Variants in NAV2 observed in about 807,000 individuals in gnomAD.
NAV2 encodes neuron navigator 2, also known as helicase, APC down-regulated 1.
NAV2 carries 54 observed loss-of-function variants against 223.2 expected under a neutral mutation model. The observed-to-expected ratio is 0.24, with a 90% CI of 0.19 to 0.30. NAV2 has a LOEUF of 0.30. Ranked by LOEUF, NAV2 falls within the 10% of genes least tolerant of loss-of-function variation. The probability of loss-of-function intolerance (pLI) is 1.00; values close to 1 mark genes in which losing one functional copy is unlikely to be tolerated. For missense variants in NAV2, 2,806 were observed against 3,147.5 expected (o/e 0.89, Z 2.60); for synonymous variants, 1,279 against 1,239.3 (o/e 1.03, Z -0.67).
intron 1 of NAV2, among the ~76,000 whole-genome samples, chr11:19,358,959 T>C (rs1853777811): frequency 1.3e-5 from 2 of 152,240 alleles, no homozygotes; most frequent in Admixed American, 1.3e-4. Context: ...GCTGAAAGTC[T>C]CTCTTTTTCA....
chr11:19,548,698 C>T (rs2044584972), intron 1 of NAV2, among the ~76,000 whole-genome samples: 2 of 147,754 alleles, frequency 1.4e-5, no homozygotes, highest in Admixed American at 1.4e-4. Flanking sequence ...GAAACCCCGT[C>T]TCTACTAAAG....
chr11:19,377,115 G>A (rs959188500), intron 1 of NAV2, among the ~76,000 whole-genome samples: 1 of 152,164 alleles, frequency 6.6e-6, no homozygotes, highest in Non-Finnish European at 1.5e-5. Flanking sequence ...AGCAATCTCT[G>A]TCCTTTTTCT....
intron 1 of NAV2, among the ~76,000 whole-genome samples, chr11:19,516,000 GT>G (rs1369783922): frequency 6.6e-6 from 1 of 151,312 alleles, no homozygotes; most frequent in Non-Finnish European, 1.5e-5. Context: ...CAGGAATTTG[GT>G]TTTAAAGTGT....
rs193200804 is a variant in NAV2, at chr11:19,998,462, A to G, written c.2768+14215A>G. 3.0e-4 allele frequency among the ~76,000 whole-genome samples: 46 copies of G among 151,948 alleles called. No individual in the cohort carries two copies. The East Asian group carries it at 6.2e-3, about 20-fold the overall frequency. On this transcript the variant is annotated intron_variant, in intron 11 of 37. Transcript: ENST00000349880. The surrounding 1 kb of genome is among the most constrained non-coding windows in gnomAD (Gnocchi z 5.0). Reference sequence around the variant, plus strand: ...ATTGTAACCTTAACATATACATCAGATCTCCTCTGCCCTTGCCTGAAACCC... The same window carrying G: ...ATTGTAACCTTAACATATACATCAGGTCTCCTCTGCCCTTGCCTGAAACCC...
intron 1 of NAV2, among the ~76,000 whole-genome samples, chr11:19,688,721 T>A (rs1425537820): frequency 6.6e-6 from 1 of 152,142 alleles, no homozygotes; most frequent in Non-Finnish European, 1.5e-5. Flanking sequence ...GCTGAGAGAT[T>A]CTGAACAAAG....
At chr11:19,947,561 C>T (rs2047032294) in intron 9 of NAV2, among the ~76,000 whole-genome samples, 1 of 152,186 alleles carries the variant, frequency 6.6e-6, no homozygotes, top group African/African-American at 2.4e-5. Context: ...GTAATTATGA[C>T]AGGAGGGAAG....
At chr11:19,981,682 T>A (rs561292040) in intron 10 of NAV2, among the ~76,000 whole-genome samples, 1 of 152,176 alleles carries the variant, frequency 6.6e-6, no homozygotes, top group Non-Finnish European at 1.5e-5. Flanking sequence ...TGAAAGGACG[T>A]GGGGTCTAGA....
intron 1 of NAV2, among the ~76,000 whole-genome samples, chr11:19,509,252 A>G (rs537386272): frequency 3.3e-5 from 5 of 152,074 alleles, no homozygotes; most frequent in Admixed American, 1.3e-4. Flanking sequence ...TTCGTCCCCT[A>G]TTGTTTATTA....
chr11:19,817,036 T>A (rs12420609), intron 1 of NAV2, among the ~76,000 whole-genome samples: 59,667 of 151,814 alleles, frequency 0.39, 14,072 homozygotes, highest in Non-Finnish European at 0.54. Flanking sequence ...TGACCCCTCA[T>A]CTCCCAGGGG....
intron 1 of NAV2, among the ~76,000 whole-genome samples, chr11:19,687,673 C>T: frequency 6.6e-6 from 1 of 152,294 alleles, no homozygotes; most frequent in East Asian, 1.9e-4. Flanking sequence ...GGAATGAACA[C>T]AAGATGTACT....
chr11:19,501,282 C>T (rs988696358), intron 1 of NAV2, among the ~76,000 whole-genome samples: 5 of 152,132 alleles, frequency 3.3e-5, no homozygotes, highest in Non-Finnish European at 4.4e-5. Context: ...GTCCCTTTTG[C>T]GTGTAATATA....
In NAV2 at chr11:19,929,076, G is replaced by A. The variant is rs546227171; in HGVS notation, c.932-4100G>A. Among the ~76,000 whole-genome samples the A allele has an allele frequency of 1.2e-4, 18 of 152,116 alleles. No homozygotes were observed. In the South Asian group the frequency reaches 2.7e-3, roughly 23 times the overall value. Reference sequence around the variant, plus strand: ...TTGAGACCAGCTTGGGCAACATGGCGAAACTCCATCTCTACAAAAAAACAC... The same window carrying A: ...TTGAGACCAGCTTGGGCAACATGGCAAAACTCCATCTCTACAAAAAAACAC... On this transcript the variant is annotated intron_variant, in intron 6 of 37. Transcript: ENST00000349880.
intron 31 of NAV2, among the ~76,000 whole-genome samples, chr11:20,099,757 C>T (rs1006892484): frequency 2.0e-5 from 3 of 152,112 alleles, no homozygotes; most frequent in Admixed American, 2.0e-4. Context: ...ATAGTCACTT[C>T]CTGTGGGGTT....
At chr11:19,773,620 A>G (rs1412556280) in intron 1 of NAV2, among the ~76,000 whole-genome samples, 1 of 152,206 alleles carries the variant, frequency 6.6e-6, no homozygotes, top group Non-Finnish European at 1.5e-5. Context: ...TTATGGAAAT[A>G]GGAGGAAGGA....
chr11:19,642,993 T>C (rs773051800), intron 1 of NAV2, among the ~76,000 whole-genome samples: 1 of 152,130 alleles, frequency 6.6e-6, no homozygotes, highest in Non-Finnish European at 1.5e-5. Flanking sequence ...GGCTTTTGCT[T>C]ATTTTCACTA....
At chr11:19,795,126 C>G (rs1264991629) in intron 1 of NAV2, among the ~76,000 whole-genome samples, 1 of 152,204 alleles carries the variant, frequency 6.6e-6, no homozygotes, top group Admixed American at 6.5e-5. Context: ...ATTCATGACT[C>G]TTTCTAACAG....
At position 20,114,684 on chromosome 11, in the gene NAV2, T is replaced by C. The variant is rs750839729; in HGVS notation, c.7053T>C (p.Pro2351=). The change falls in exon 37 of 38, where the codon CCT becomes CCC. Residue 2351 remains proline (P), a synonymous_variant. Coordinates refer to ENST00000349880, the MANE Select transcript of NAV2 (RefSeq NM_145117.5). ...WAASPQQHEW[P]PLLQLRPEDV... is the part of the protein sequence containing the mutation. ...CCAGCCCACAACAGCACGAGTGGCCTCCCCTGCTGCAGTTACGGCCTGAGG... is the reference window on the plus strand; with the variant it reads ...CCAGCCCACAACAGCACGAGTGGCCCCCCCTGCTGCAGTTACGGCCTGAGG... The C allele has an allele frequency of 1.9e-5, 30 of 1,613,960 alleles. No individual in the cohort carries two copies. Among genetic ancestry groups the C allele is most frequent in the Non-Finnish European group, 2.5e-5 (29 of 1,180,006 alleles).
chr11:19,849,619 G>A (rs1387153945), intron 3 of NAV2, among the ~76,000 whole-genome samples: 2 of 152,186 alleles, frequency 1.3e-5, no homozygotes, highest in African/African-American at 4.8e-5. Flanking sequence ...CCAGAAAGCC[G>A]GCCACATGCC....
chr11:20,067,453 C>G (rs1019397807), intron 20 of NAV2, among the ~76,000 whole-genome samples: 1 of 152,030 alleles, frequency 6.6e-6, no homozygotes. Context: ...ATAAATATGT[C>G]CCTAATATTG....
Sources: allele counts gnomAD v4.1 joint callset (sites outside exome capture counted in the v4.1 genomes callset), GRCh38; gene constraint gnomAD v4.1.1; non-coding constraint Gnocchi (gnomAD v3.1); transcripts MANE v1.5; gene names NCBI Gene and HGNC (gene_info 2026-07-23, HGNC 2026-07-21).